PLCL2: variants seen among roughly 807,000 people sequenced by gnomAD.
PLCL2 encodes inactive phospholipase C-like protein 2.
Under a neutral mutation model 79.6 loss-of-function variants are expected in PLCL2, and 4 were observed. The observed-to-expected ratio is 0.05, with a 90% confidence interval of 0.02 to 0.11. The LOEUF (loss-of-function observed/expected upper bound fraction) is 0.11, where lower values mean the gene tolerates loss of function less well. Ranked by LOEUF, PLCL2 falls within the 10% of genes least tolerant of loss-of-function variation. PLCL2 has a pLI of 1.00. For missense variants in PLCL2, 895 were observed against 1,291.0 expected, an observed-to-expected ratio of 0.69 and a Z score of 4.70; for synonymous variants, 484 against 457.7, an observed-to-expected ratio of 1.06 and a Z score of -0.73.
intron 1 of PLCL2, among the ~76,000 whole-genome samples, chr3:16,937,808 C>T (rs961470006): frequency 6.6e-5 from 10 of 152,096 alleles, no homozygotes; most frequent in African/African-American, 1.7e-4. Flanking sequence ...TTTTTATGAA[C>T]GCTGAGAGTA....
intron 1 of PLCL2, among the ~76,000 whole-genome samples, chr3:16,903,757 A>G (rs1696684188): frequency 6.6e-6 from 1 of 152,160 alleles, no homozygotes; most frequent in Non-Finnish European, 1.5e-5. Context: ...TATTTTTGGG[A>G]AATGATCAGG....
At chr3:16,915,701 A>G (rs1696977562) in intron 1 of PLCL2, among the ~76,000 whole-genome samples, 1 of 152,066 alleles carries the variant, frequency 6.6e-6, no homozygotes, top group Non-Finnish European at 1.5e-5. Context: ...TTCCAAATTC[A>G]TCAACTGAAC....
intron 1 of PLCL2, among the ~76,000 whole-genome samples, chr3:16,986,007 T>C (rs1276250910): frequency 1.3e-5 from 2 of 152,002 alleles, no homozygotes; most frequent in Non-Finnish European, 2.9e-5. Context: ...GGGCATGTTA[T>C]TGGGAGTGGC....
At chr3:17,031,898 T>C (rs1383531941) in intron 3 of PLCL2, among the ~76,000 whole-genome samples, 1 of 151,690 alleles carries the variant, frequency 6.6e-6, no homozygotes, top group Non-Finnish European at 1.5e-5. Context: ...TGCAGGGTAG[T>C]TTAGGTTCTG....
intron 3 of PLCL2, among the ~76,000 whole-genome samples, chr3:17,040,664 T>C (rs1313652213): frequency 6.6e-6 from 1 of 152,198 alleles, no homozygotes; most frequent in Admixed American, 6.5e-5. Flanking sequence ...GTGTAATGTC[T>C]TTAATAAGCT....
At chr3:17,069,697 A>G (rs2065044955) in intron 5 of PLCL2, among the ~76,000 whole-genome samples, 1 of 152,166 alleles carries the variant, frequency 6.6e-6, no homozygotes, top group African/African-American at 2.4e-5. Context: ...GGAGCTGACA[A>G]TAATTTTCAG....
At chr3:17,008,604 G>A (rs527622341) in intron 1 of PLCL2, among the ~76,000 whole-genome samples, 2 of 152,080 alleles carry the variant, frequency 1.3e-5, no homozygotes, top group East Asian at 3.9e-4. Flanking sequence ...GAGGCAGGTG[G>A]TCTGGTGACA....
At chr3:16,973,049 G>A (rs2063889650) in intron 1 of PLCL2, among the ~76,000 whole-genome samples, 1 of 152,130 alleles carries the variant, frequency 6.6e-6, no homozygotes, top group Non-Finnish European at 1.5e-5. Flanking sequence ...TTATTATGCA[G>A]ACTCGGTTGC....
At position 16,961,440 on chromosome 3, in the gene PLCL2, G is replaced by A. The variant is rs115779920; in HGVS notation, c.328-48234G>A. On this transcript the variant is annotated intron_variant, in intron 1 of 5. Transcript: ENST00000615277. Reference sequence around the variant, plus strand: ...ATAAAGTTGAAATGCAGTGGGACATGAAGTGGAGGGAAACTTTATCTGAAT... The same window carrying A: ...ATAAAGTTGAAATGCAGTGGGACATAAAGTGGAGGGAAACTTTATCTGAAT... 7.7e-3 allele frequency among the ~76,000 whole-genome samples: 1,174 copies of A among 152,334 alleles called. 13 individuals are homozygous for A. Among genetic ancestry groups the A allele is most frequent in the African/African-American group, 0.026 (1,062 of 41,584 alleles).
chr3:16,965,307 G>A (rs186289638), intron 1 of PLCL2, among the ~76,000 whole-genome samples: 3 of 152,196 alleles, frequency 2.0e-5, no homozygotes, highest in Admixed American at 2.0e-4. Context: ...TTTTTGTCAG[G>A]TTTGTCAAAG....
intron 5 of PLCL2, among the ~76,000 whole-genome samples, chr3:17,079,197 C>T (rs984451031): frequency 2.0e-5 from 3 of 152,130 alleles, no homozygotes; most frequent in Non-Finnish European, 4.4e-5. Context: ...AGTGTCCCCT[C>T]GCTCTCTGCA....
intron 1 of PLCL2, among the ~76,000 whole-genome samples, chr3:16,961,039 G>GT (rs2063749522): frequency 6.6e-6 from 1 of 152,192 alleles, no homozygotes; most frequent in Non-Finnish European, 1.5e-5. Context: ...AGGGTCTAGT[G>GT]TTTATGGAAT....
intron 1 of PLCL2, among the ~76,000 whole-genome samples, chr3:17,006,760 A>G (rs1013766402): frequency 6.6e-6 from 1 of 152,336 alleles, no homozygotes; most frequent in East Asian, 1.9e-4. Context: ...CTGGTTTGTG[A>G]AAAGCATGGC....
At chr3:17,008,965 G>A (rs989892311) in intron 1 of PLCL2, among the ~76,000 whole-genome samples, 3 of 151,880 alleles carry the variant, frequency 2.0e-5, no homozygotes, top group African/African-American at 4.8e-5. Flanking sequence ...CTACAGGCAT[G>A]AGCCACCATA....
intron 4 of PLCL2, among the ~76,000 whole-genome samples, chr3:17,067,258 T>C (rs759104245): frequency 1.3e-5 from 2 of 152,184 alleles, no homozygotes; most frequent in Non-Finnish European, 2.9e-5. Context: ...TAGAGTTATA[T>C]TGGTGTGATT....
chr3:16,954,593 A>G (rs1441254122), intron 1 of PLCL2, among the ~76,000 whole-genome samples: 2 of 152,090 alleles, frequency 1.3e-5, no homozygotes, highest in Non-Finnish European at 2.9e-5. Flanking sequence ...ATCCCTGAGG[A>G]ATCCCCACAC....
intron 3 of PLCL2, among the ~76,000 whole-genome samples, chr3:17,028,970 C>T (rs62247181): frequency 6.2e-4 from 95 of 152,248 alleles, no homozygotes; most frequent in African/African-American, 2.1e-3. Context: ...ATGTCTTTCC[C>T]ATATGTCCCT....
At chr3:17,019,709 A>G (rs2064427518) in intron 3 of PLCL2, among the ~76,000 whole-genome samples, 1 of 152,240 alleles carries the variant, frequency 6.6e-6, no homozygotes, top group South Asian at 2.1e-4. Flanking sequence ...AAAATAAAGA[A>G]AACTGTAATC....
At chr3:16,989,487 G>A (rs1348185196) in intron 1 of PLCL2, among the ~76,000 whole-genome samples, 1 of 152,058 alleles carries the variant, frequency 6.6e-6, no homozygotes, top group Non-Finnish European at 1.5e-5. Flanking sequence ...AAGAATCCAG[G>A]TATCTCCATA....
Sources: allele counts gnomAD v4.1 joint callset (sites outside exome capture counted in the v4.1 genomes callset), GRCh38; gene constraint gnomAD v4.1.1; transcripts MANE v1.5; gene names NCBI Gene and HGNC (gene_info 2026-07-23, HGNC 2026-07-21).